The following SNAPC4 variants were observed in gnomAD, a reference collection of about 807,000 sequenced individuals.
The protein encoded by SNAPC4 is small nuclear RNA activating complex polypeptide 4, also known as snRNA-activating protein complex subunit 4.
SNAPC4 carries 127 observed loss-of-function variants against 151.3 expected under a neutral mutation model. The ratio of observed to expected loss-of-function variants is 0.84; its 90% CI spans 0.73 to 0.97. The LOEUF (loss-of-function observed/expected upper bound fraction) is 0.97, where lower values mean the gene tolerates loss of function less well. Among genes scored for constraint, SNAPC4 ranks in the 50% least tolerant of loss-of-function variants. The pLI is 0.00. For missense variants in SNAPC4, 2,186 were observed against 1,935.0 expected, an observed-to-expected ratio of 1.13 and a Z score of -2.43; for synonymous variants, 1,002 against 824.4, an observed-to-expected ratio of 1.22 and a Z score of -3.69.
intron 19 of SNAPC4, 55 bp from the exon 20 acceptor site, chr9:136,380,905 G>T: frequency 9.4e-7 from 1 of 1,064,330 alleles, no homozygotes; most frequent in African/African-American, 1.5e-5. Context: ...CAGCTCCGAA[G>T]CTCCAGAGGC....
chr9:136,381,108 G>A (rs747464981), intron 19 of SNAPC4, among the ~76,000 whole-genome samples: 26 of 152,144 alleles, frequency 1.7e-4, no homozygotes, highest in East Asian at 1.9e-4. Flanking sequence ...CCCCTTCCCC[G>A]GACACTGTTT....
chr9:136,383,935 A>G lies in SNAPC4; in HGVS notation c.1500+18T>C, dbSNP rs1833802328. The G allele has an allele frequency of 1.2e-6, 2 of 1,608,808 alleles. No homozygotes were observed. Among genetic ancestry groups the G allele is most frequent in the East Asian group, 2.2e-5 (1 of 44,852 alleles). On this transcript the variant is annotated intron_variant, in intron 15 of 23. Coordinates refer to ENST00000684778, the MANE Select transcript of SNAPC4 (RefSeq NM_003086.4). This position sits in a 1 kb window ranked among gnomAD's most constrained non-coding sequence, Gnocchi z 4.2. ...GGCCATTGTCTGGTTTCAGATAAAG[A>G]AGGAGCGAGTGGCTCACCCCCATCA... is the stretch of plus-strand genomic sequence containing the variant.
rs147079941 is a variant in SNAPC4, at chr9:136,376,410, G to A, written c.4356C>T (p.Asp1452=). 362 of 1,613,520 alleles carry A rather than the reference G, an allele frequency of 2.2e-4. No individual in the cohort carries two copies. Among genetic ancestry groups the A allele is most frequent in the East Asian group, 2.9e-4 (13 of 44,884 alleles). ...GCCTGGCATGCCGGGTTCTGAGCAC[G>A]TCCAGGTCGTCAGGGTCATTAGAAG... ...LDTSNDPDDL[D]VLRTRHARHT... The change falls in exon 23 of 24, where the codon GAC becomes GAT. Residue 1452 remains aspartate, a synonymous_variant. Transcript: ENST00000684778.
At chr9:136,396,428 T>G (rs1290787414) in intron 3 of SNAPC4, among the ~76,000 whole-genome samples, 1 of 152,216 alleles carries the variant, frequency 6.6e-6, no homozygotes, top group African/African-American at 2.4e-5. Context: ...GTATTTTTCT[T>G]TTTTTTGAGA....
chr9:136,376,046 C>A (rs1302786323), intron 23 of SNAPC4, among the ~76,000 whole-genome samples: 1 of 152,212 alleles, frequency 6.6e-6, no homozygotes, highest in Non-Finnish European at 1.5e-5. Flanking sequence ...CGCAGCAATG[C>A]ACGGGAACAG....
At chr9:136,384,643 G>A (rs1170708350) in intron 14 of SNAPC4, 77 bp downstream of exon 14, 3 of 778,460 alleles carry the variant, frequency 3.9e-6, no homozygotes, top group African/African-American at 3.6e-5. Context: ...AGCTTGCTCT[G>A]TCTTTATCTT....
At position 136,383,324 on chromosome 9, in the gene SNAPC4, G is replaced by A; in HGVS notation, c.1845C>T (p.Ser615=). 1 of 1,611,548 alleles carries A rather than the reference G, an allele frequency of 6.2e-7. No individual in the cohort carries two copies. The highest frequency in any genetic ancestry group is 8.5e-7 in the Non-Finnish European group (1 of 1,179,472). ...SASQGGSKEA[S]TTAAAPGEET... ...CCTCTCCAGGAGCCGCGGCTGTGGT[G>A]GAAGCTTCCTTGCTGCCGCCCTGGC... Residue 615 remains serine, a synonymous_variant, in exon 16 of 24, where the codon TCC becomes TCT. Transcript: ENST00000684778. The surrounding 1 kb of genome is among the most constrained non-coding windows in gnomAD (Gnocchi z 4.2).
At chr9:136,379,428 GCGGCA>G in intron 21 of SNAPC4, 129 bp from the exon 22 acceptor site, 1 of 1,427,482 alleles carries the variant, frequency 7.0e-7, no homozygotes. Flanking sequence ...AGAGGGTCAA[GCGGCA>G]CATCCTGGGT....
At position 136,381,914 on chromosome 9, in the gene SNAPC4, T is replaced by C; in HGVS notation, c.2227A>G (p.Arg743Gly). 1 of 1,612,954 alleles carries C rather than the reference T, an allele frequency of 6.2e-7. No individual in the cohort carries two copies. The highest frequency in any genetic ancestry group is 1.1e-5 in the South Asian group (1 of 91,078). ...CAAGGGGTCACAGCCAGCAGCAGCC[T>C]GCGGTTCAGGAGCCTCCGGTGCAGA... Reference protein sequence around the residue: ...HALHRRLLNRRLLLAVTPWVG... With the variant: ...HALHRRLLNRGLLLAVTPWVG... Residue 743 changes from arginine to glycine, a missense_variant, in exon 18 of 24, where the codon AGG becomes GGG. Arg to Gly is a moderately radical substitution (Grantham distance 125, BLOSUM62 -2). Transcript: ENST00000684778.
chr9:136,376,556 A>G, intron 22 of SNAPC4, 75 bp from the exon 23 acceptor site: 1 of 1,567,120 alleles, frequency 6.4e-7, no homozygotes, highest in Non-Finnish European at 8.7e-7. Context: ...GACGGGAGTG[A>G]GGAGGGGCCC....
chr9:136,381,816 G>C lies in SNAPC4; in HGVS notation c.2317+8C>G. On this transcript the variant is annotated splice_region_variant and intron_variant, in intron 18 of 23. Coordinates refer to ENST00000684778, the MANE Select transcript of SNAPC4 (RefSeq NM_003086.4). ...CCAGGATGCTCCCAGAGGAGCCCCAGGCCATACCTTGAGTCTGCACTACGG... is the reference window on the plus strand; with the variant it reads ...CCAGGATGCTCCCAGAGGAGCCCCACGCCATACCTTGAGTCTGCACTACGG... 1.2e-6 allele frequency: 2 copies of C among 1,609,882 alleles called. No homozygotes were observed. Among genetic ancestry groups the C allele is most frequent in the South Asian group, 2.2e-5 (2 of 90,908 alleles).
At chr9:136,396,160 G>A (rs1001801907) in intron 3 of SNAPC4, among the ~76,000 whole-genome samples, 9 of 152,364 alleles carry the variant, frequency 5.9e-5, no homozygotes, top group African/African-American at 2.2e-4. Context: ...TGTGTGGGAG[G>A]AAAGTCTCTG....
chr9:136,395,988 T>C (rs540156422), intron 3 of SNAPC4, among the ~76,000 whole-genome samples: 1 of 152,292 alleles, frequency 6.6e-6, no homozygotes, highest in African/African-American at 2.4e-5. Context: ...TGTGCGCCTT[T>C]CCTAATCCAC....
At chr9:136,384,161 G>A (rs1480316431) in intron 14 of SNAPC4, 129 bp from the exon 15 acceptor site, 1 of 683,944 alleles carries the variant, frequency 1.5e-6, no homozygotes, top group Non-Finnish European at 2.5e-6. Context: ...CACGCTGGGG[G>A]GTCAAGCATG....
Position 136,378,252 on chromosome 9 carries a change from T to C in SNAPC4, c.3575A>G (p.His1192Arg). The change falls in exon 22 of 24, where the codon CAC becomes CGC. Residue 1192 changes from histidine (H) to arginine (R), a missense_variant. By Grantham distance (29) the His-to-Arg change is conservative (BLOSUM62 0). Transcript: ENST00000684778. Reference protein sequence around the residue: ...REIPEPRTSSHADPPEAEPPW... With the variant: ...REIPEPRTSSRADPPEAEPPW... ...GGGTTCTGCTTCAGGAGGGTCAGCG[T>C]GGGAGGACGTCCTGGGCTCAGGTAT... is the stretch of plus-strand genomic sequence containing the variant. 6.2e-7 allele frequency: 1 copy of C among 1,608,906 alleles called. No homozygotes were observed. Among genetic ancestry groups the C allele is most frequent in the Non-Finnish European group, 8.5e-7 (1 of 1,178,288 alleles).
chr9:136,386,534 A>C (rs1833895475), intron 13 of SNAPC4, among the ~76,000 whole-genome samples: 1 of 149,332 alleles, frequency 6.7e-6, no homozygotes, highest in Non-Finnish European at 1.5e-5. Context: ...TCCCAGTTTC[A>C]AGCGATTCTC....
Position 136,381,717 on chromosome 9 carries a change from C to T in SNAPC4, c.2317+107G>A, listed in dbSNP as rs973569007. 5 of 1,413,896 alleles carry T rather than the reference C, an allele frequency of 3.5e-6. No homozygotes were observed. In the African/African-American group the frequency reaches 5.7e-5, roughly 16 times the overall value. The allele number at this position is 1,413,896 out of a possible 1,614,324, so 87.6% of individuals were successfully genotyped here. A position where few individuals can be genotyped will look rare whatever the true frequency, so the allele number is the denominator to read the frequency against. ...GGTGGCGCCCACCCCAAAAAGACTC[C>T]CCTGCTGAGGCCACTTCCCCAAGTA... On this transcript the variant is annotated intron_variant, in intron 18 of 23. Coordinates refer to ENST00000684778, the MANE Select transcript of SNAPC4 (RefSeq NM_003086.4).
intron 10 of SNAPC4, among the ~76,000 whole-genome samples, chr9:136,389,265 G>A (rs1461727333): frequency 5.9e-5 from 9 of 152,204 alleles, no homozygotes; most frequent in Admixed American, 5.9e-4. Context: ...AAAGTGAGCT[G>A]CTGGGTGGCA....
chr9:136,390,183 G>A (rs2131497191), intron 10 of SNAPC4, among the ~76,000 whole-genome samples: 1 of 152,290 alleles, frequency 6.6e-6, no homozygotes, highest in East Asian at 1.9e-4. Context: ...AGGCTGGTCA[G>A]GCGGGTGGGA....
Sources: allele counts gnomAD v4.1 joint callset (sites outside exome capture counted in the v4.1 genomes callset), GRCh38; gene constraint gnomAD v4.1.1; non-coding constraint Gnocchi (gnomAD v3.1); transcripts MANE v1.5; gene names NCBI Gene and HGNC (gene_info 2026-07-23, HGNC 2026-07-21).